Variants in PCNX3 observed in about 807,000 individuals in gnomAD.
PCNX3 encodes the protein pecanex 3.
PCNX3 carries 58 observed loss-of-function variants against 207.2 expected under a neutral mutation model. That is an observed-to-expected ratio of 0.28 (90% CI 0.23 to 0.35). The LOEUF is 0.35. PCNX3 is among the 10% of genes least tolerant of loss of function. The pLI is 1.00. For missense variants in PCNX3, 2,410 were observed against 2,774.4 expected, an observed-to-expected ratio of 0.87 and a Z score of 2.95; for synonymous variants, 1,337 against 1,183.5, an observed-to-expected ratio of 1.13 and a Z score of -2.66.
chr11:65,617,458 C>CT lies in PCNX3; in HGVS notation c.442-11dup, dbSNP rs1232754863. 13 of 1,613,838 alleles carry CT rather than the reference C, an allele frequency of 8.1e-6. No individual in the cohort carries two copies. Among genetic ancestry groups the CT allele is most frequent in the Middle Eastern group, 1.6e-4 (1 of 6,084 alleles). On this transcript the variant is annotated splice_polypyrimidine_tract_variant and intron_variant, in intron 3 of 34. Transcript: ENST00000355703. ...GCCTTGTTTGTTCCTTCATGGCTCT[C>CT]TGTCTACTCAGGAGCTGCTGCCCCG... is the stretch of plus-strand genomic sequence containing the variant.
At position 65,616,080 on chromosome 11, in the gene PCNX3, C is replaced by T. The variant is rs1328948140; in HGVS notation, c.-232C>T. 2 of 330,008 alleles carry T rather than the reference C, an allele frequency of 6.1e-6. No homozygotes were observed. Among genetic ancestry groups the T allele is most frequent in the Non-Finnish European group, 1.1e-5 (2 of 183,234 alleles). 20.4% of individuals were successfully genotyped at this position (330,008 alleles called of 1,614,324 possible). On this transcript the variant is annotated 5_prime_UTR_variant, in exon 1 of 35. Transcript: ENST00000355703. ...GCCAGGAGTGGGGACCCGGACCCCG[C>T]CCCTGATGCAGCCCCACCCCCGCGT...
chr11:65,624,413 A>T, intron 14 of PCNX3, 47 bp downstream of exon 14: 1 of 1,551,716 alleles, frequency 6.4e-7, no homozygotes, highest in Non-Finnish European at 8.7e-7. Context: ...TGAGTCCCCG[A>T]GGGTGGGCCG....
At chr11:65,623,380 T>A in intron 11 of PCNX3, 111 bp from the exon 12 acceptor site, 1 of 1,377,994 alleles carries the variant, frequency 7.3e-7, no homozygotes, top group Non-Finnish European at 9.6e-7. Flanking sequence ...GACAAGGGTC[T>A]GGCATGGGCA....
intron 34 of PCNX3, 25 bp from the exon 35 acceptor site, chr11:65,636,741 C>T (rs1345663587): frequency 9.7e-6 from 15 of 1,547,222 alleles, no homozygotes; most frequent in South Asian, 7.1e-5. Flanking sequence ...CCTGCTCACC[C>T]GCCAACCTCT....
rs779831472 is a variant in PCNX3, at chr11:65,625,666, C to G, written c.3150C>G (p.His1050Gln). The change falls in exon 19 of 35, where the codon CAC (histidine) becomes CAG (glutamine). Residue 1050 changes from histidine to glutamine, a missense_variant. By Grantham distance (24) the His-to-Gln change is conservative (BLOSUM62 0). Around this residue, in one of 8 missense-constraint regions of PCNX3, gnomAD observed 333 missense variants for 386.8 expected, o/e 0.86. Coordinates refer to ENST00000355703, the MANE Select transcript of PCNX3 (RefSeq NM_032223.4). This position sits in a 1 kb window ranked among gnomAD's most constrained non-coding sequence, Gnocchi z 5.6. ...TGGCCCTGCAGCGTGAGGTCTTGCA[C>G]TCCGACCTGGTGATGTGTGTGGTGA... is the stretch of plus-strand genomic sequence containing the variant. ...KMRQSVREVL[H>Q]SDLVMCVVIA... is the part of the protein sequence containing the mutation. 6.2e-7 allele frequency: 1 copy of G among 1,612,984 alleles called. No homozygotes were observed. Among genetic ancestry groups the G allele is most frequent in the African/African-American group, 1.3e-5 (1 of 74,936 alleles).
chr11:65,617,218 A>G, intron 2 of PCNX3, 32 bp from the exon 3 acceptor site: 1 of 1,560,314 alleles, frequency 6.4e-7, no homozygotes. Context: ...AGGAGAGGTT[A>G]GCTCAAAGCT....
At position 65,620,871 on chromosome 11, in the gene PCNX3, G is replaced by A. The variant is rs776115297; in HGVS notation, c.2140G>A (p.Val714Ile). Residue 714 changes from valine (V) to isoleucine (I), a missense_variant, in exon 10 of 35, where the codon GTC becomes ATC. Physicochemically the swap from Val to Ile is conservative, Grantham distance 29. Coordinates refer to ENST00000355703, the MANE Select transcript of PCNX3 (RefSeq NM_032223.4). ...TTCCTCCAGCTTCCACTCGGCTGAT[G>A]TCCCTGAGGCTACAGGCGGCCTGAA... ...SHSSSFHSADVPEATGGLNLL... is the reference protein window; with the variant it reads ...SHSSSFHSADIPEATGGLNLL... 1.3e-6 allele frequency: 2 copies of A among 1,586,288 alleles called. No homozygotes were observed. The highest frequency in any genetic ancestry group is 1.7e-6 in the Non-Finnish European group (2 of 1,166,918).
At position 65,635,814 on chromosome 11, in the gene PCNX3, G is replaced by A. The variant is rs536065988; in HGVS notation, c.5459+11G>A. 7.2e-5 allele frequency: 115 copies of A among 1,598,480 alleles called. No homozygotes were observed. The highest frequency in any genetic ancestry group is 1.7e-4 in the Middle Eastern group (1 of 6,024). ...GCGCACCTGGGAGAGGTGAGGCCTC[G>A]GGAAGGGGTGACGTGTGGCGCGGGA... On this transcript the variant is annotated intron_variant, in intron 32 of 34. Transcript: ENST00000355703. This position sits in a 1 kb window ranked among gnomAD's most constrained non-coding sequence, Gnocchi z 9.9.
At chr11:65,634,730 A>C (rs1426140932) in intron 29 of PCNX3, 89 bp downstream of exon 29, 19 of 1,329,276 alleles carry the variant, frequency 1.4e-5, no homozygotes, top group African/African-American at 2.9e-5. Flanking sequence ...CACAGTGGCC[A>C]CAGAAACTGC....
In PCNX3 at chr11:65,619,682, C is replaced by T. The variant is rs1273924518; in HGVS notation, c.1829+22C>T. The T allele has an allele frequency of 5.1e-6, 8 of 1,582,234 alleles. No individual in the cohort carries two copies. In the South Asian group the frequency reaches 7.9e-5, roughly 16 times the overall value. On this transcript the variant is annotated intron_variant, in intron 7 of 34. Coordinates refer to ENST00000355703, the MANE Select transcript of PCNX3 (RefSeq NM_032223.4). ...CCAGGTGAGCACCTTGCCAGCTGTG[C>T]CGAGGGGCACCGGGGGCCGGGGAGG...
chr11:65,619,276 C>T (rs1415089691), intron 6 of PCNX3: 2 of 367,518 alleles, frequency 5.4e-6, no homozygotes, highest in Non-Finnish European at 7.5e-6. Flanking sequence ...TTGATTAGCA[C>T]CTGAGTCTCT....
intron 6 of PCNX3, 24 bp from the exon 7 acceptor site, chr11:65,619,513 A>G (rs1854958220): frequency 6.2e-7 from 1 of 1,609,304 alleles, no homozygotes; most frequent in Non-Finnish European, 8.5e-7. Flanking sequence ...TGTCACTTAC[A>G]CTTGGGGGCC....
intron 26 of PCNX3, 38 bp downstream of exon 26, chr11:65,629,773 C>T: frequency 2.0e-6 from 3 of 1,538,164 alleles, no homozygotes; most frequent in Non-Finnish European, 2.6e-6. Context: ...GCAGGCACAG[C>T]TCGGGCCTGA....
intron 1 of PCNX3, 144 bp from the exon 2 acceptor site, chr11:65,616,680 T>A (rs1854748251): frequency 5.9e-6 from 6 of 1,019,018 alleles, no homozygotes; most frequent in Non-Finnish European, 7.1e-6. Flanking sequence ...ACAGAGCCCT[T>A]TGTCGAGGTC....
rs1565153239 is a variant in PCNX3 at position 65,618,342 on chromosome 11, C to T, written c.980C>T (p.Pro327Leu). The change falls in exon 6 of 35, where the codon CCA becomes CTA. Residue 327 changes from proline (P) to leucine (L), a missense_variant. By Grantham distance (98) the Pro-to-Leu change is moderately conservative. Transcript: ENST00000355703. ...AACTCCACCCATCTGGACAGCCCCC[C>T]AGGGGGGCCAGCCCCTGAGGGCAGC... ...KTNSTHLDSP[P>L]GGPAPEGSDT... 2 of 1,611,988 alleles carry T rather than the reference C, an allele frequency of 1.2e-6. No homozygotes were observed. The highest frequency in any genetic ancestry group is 8.5e-7 in the Non-Finnish European group (1 of 1,179,276).
At chr11:65,636,105 C>A in intron 32 of PCNX3, 69 bp from the exon 33 acceptor site, 1 of 1,545,352 alleles carries the variant, frequency 6.5e-7, no homozygotes. Flanking sequence ...GGGCTGAGGA[C>A]TCATGCTTGT....
intron 9 of PCNX3, 91 bp downstream of exon 9, chr11:65,620,520 C>T: frequency 1.4e-6 from 2 of 1,417,542 alleles, no homozygotes; most frequent in Non-Finnish European, 1.9e-6. Context: ...TCTCTTCCTG[C>T]TGGGCTTGGG....
intron 24 of PCNX3, 107 bp downstream of exon 24, chr11:65,629,055 G>A: frequency 1.3e-6 from 2 of 1,484,682 alleles, no homozygotes. Context: ...GTATGGGAGG[G>A]CTTGGTCACA....
rs544487496 is a variant in PCNX3 at position 65,616,851 on chromosome 11, G to T, written c.181G>T (p.Gly61Cys). ...CCTGCCTCCCAGCTTGATGGTGGCC[G>T]GCGTGTACTGCCTCGTGGTGGCTGT... is the stretch of plus-strand genomic sequence containing the variant. ...MVLPPSLMVAGVYCLVVAVIF... is the reference protein window; with the variant it reads ...MVLPPSLMVACVYCLVVAVIF... Residue 61 changes from glycine (G) to cysteine (C), a missense_variant, in exon 2 of 35, where the codon GGC becomes TGC. Coordinates refer to ENST00000355703, the MANE Select transcript of PCNX3 (RefSeq NM_032223.4). 2 of 1,613,282 alleles carry T rather than the reference G, an allele frequency of 1.2e-6. No homozygotes were observed. Among genetic ancestry groups the T allele is most frequent in the Non-Finnish European group, 1.7e-6 (2 of 1,179,666 alleles).
Sources: gnomAD v4.1 joint callset for allele counts on GRCh38, gnomAD v4.1.1 for gene constraint, gnomAD v4.1.1 regional missense constraint, Gnocchi (gnomAD v3.1) non-coding constraint, MANE v1.5 for transcripts, NCBI Gene and HGNC (gene_info 2026-07-23, HGNC 2026-07-21) for gene names.